The following SNTG2 variants were observed in gnomAD, a reference collection of about 807,000 sequenced individuals.
SNTG2 encodes gamma-2-syntrophin.
A neutral mutation model predicts 70.9 loss-of-function variants in SNTG2; 74 were observed. The observed-to-expected ratio is 1.04, with a 90% CI of 0.86 to 1.27. The LOEUF (loss-of-function observed/expected upper bound fraction) is 1.27, where lower values mean the gene tolerates loss of function less well. Among genes scored for constraint, SNTG2 ranks in the 50% most tolerant of loss-of-function variants. The pLI is 0.00. For synonymous variants in SNTG2, 278 were observed against 273.8 expected, an observed-to-expected ratio of 1.02 and a Z score of -0.15; for missense variants, 717 against 690.7, an observed-to-expected ratio of 1.04 and a Z score of -0.43.
In SNTG2 at chr2:1,165,663, G is replaced by A. The variant is rs774739024; in HGVS notation, c.499+28G>A. Reference sequence around the variant, plus strand: ...AAGTGGGAAGAGGAGAAATGCCAGGGTGCTGGAGAAATTCCTTTCTTGCCA... The same window carrying A: ...AAGTGGGAAGAGGAGAAATGCCAGGATGCTGGAGAAATTCCTTTCTTGCCA... On this transcript the variant is annotated intron_variant, in intron 7 of 16. Coordinates refer to ENST00000308624, the MANE Select transcript of SNTG2 (RefSeq NM_018968.4). 15 of 1,569,598 alleles carry A rather than the reference G, an allele frequency of 9.6e-6. No individual in the cohort carries two copies. In the South Asian group the frequency reaches 1.5e-4, roughly 16 times the overall value.
chr2:1,221,805 C>CTCTATCTCTGTCTCTG (rs1553361505), intron 9 of SNTG2, among the ~76,000 whole-genome samples: 1 of 27,496 alleles, frequency 3.6e-5, no homozygotes, highest in Non-Finnish European at 6.4e-5. Context: ...CTGTCTCTGT[C>CTCTATCTCTGTCTCTG]TCTCTCTCGG....
chr2:1,242,054 G>T (rs527383222), intron 11 of SNTG2, among the ~76,000 whole-genome samples: 1 of 152,160 alleles, frequency 6.6e-6, no homozygotes, highest in Non-Finnish European at 1.5e-5. Context: ...GCAGCTTGGA[G>T]TAGTTTATTT....
chr2:1,307,038 G>A (rs1343358093), intron 14 of SNTG2, among the ~76,000 whole-genome samples: 1 of 151,586 alleles, frequency 6.6e-6, no homozygotes, highest in Non-Finnish European at 1.5e-5. Context: ...TGCTGTGTGT[G>A]TGTGGTGTGT....
chr2:996,683 T>TTTTTTTTTTTTTTG (rs1188836865), intron 1 of SNTG2, among the ~76,000 whole-genome samples: 6 of 128,180 alleles, frequency 4.7e-5, no homozygotes, highest in Non-Finnish European at 6.5e-5. Context: ...GTTTTTTTTT[T>TTTTTTTTTTTTTTG]TTTTTTTTTT....
At chr2:1,068,553 A>G (rs1164056825) in intron 1 of SNTG2, among the ~76,000 whole-genome samples, 1 of 152,222 alleles carries the variant, frequency 6.6e-6, no homozygotes, top group Non-Finnish European at 1.5e-5. Context: ...GAAAATCAGA[A>G]ATACATTAAA....
At chr2:1,025,689 C>G (rs1028178393) in intron 1 of SNTG2, among the ~76,000 whole-genome samples, 5 of 152,190 alleles carry the variant, frequency 3.3e-5, no homozygotes, top group Admixed American at 6.5e-5. Context: ...CCTGGCCCTC[C>G]TGTCCCCTCT....
intron 9 of SNTG2, among the ~76,000 whole-genome samples, chr2:1,228,178 C>T (rs886548279): frequency 6.6e-6 from 1 of 152,272 alleles, no homozygotes; most frequent in Non-Finnish European, 1.5e-5. Context: ...GCTCCACTCA[C>T]GTCTGCACTT....
intron 1 of SNTG2, among the ~76,000 whole-genome samples, chr2:1,066,649 A>G (rs1255633709): frequency 1.3e-5 from 2 of 152,126 alleles, no homozygotes; most frequent in African/African-American, 4.8e-5. Context: ...TTTGTCACAC[A>G]TCACAATCTG....
intron 10 of SNTG2, among the ~76,000 whole-genome samples, chr2:1,239,170 A>G (rs1392905976): frequency 1.3e-5 from 2 of 152,214 alleles, no homozygotes; most frequent in African/African-American, 2.4e-5. Flanking sequence ...CAGTTCTGTC[A>G]TTTCACAAAT....
intron 1 of SNTG2, among the ~76,000 whole-genome samples, chr2:1,002,633 A>G (rs982007222): frequency 6.6e-6 from 1 of 151,460 alleles, no homozygotes; most frequent in African/African-American, 2.4e-5. Context: ...ATACTTATCT[A>G]TGGTTGGTTG....
intron 1 of SNTG2, among the ~76,000 whole-genome samples, chr2:1,016,956 G>A (rs1316555938): frequency 6.6e-6 from 1 of 152,188 alleles, no homozygotes; most frequent in African/African-American, 2.4e-5. Context: ...TCCAACTGAA[G>A]CTGCTGCTGT....
At chr2:1,251,401 C>T (rs997489343) in intron 12 of SNTG2, among the ~76,000 whole-genome samples, 1 of 151,946 alleles carries the variant, frequency 6.6e-6, no homozygotes, top group South Asian at 2.1e-4. Flanking sequence ...GCTTAGGAAG[C>T]TCACATAGAC....
rs371199174 is a variant in SNTG2 at position 1,243,588 on chromosome 2, ATCTC to A, written c.889-3736_889-3733del. 2.5e-3 allele frequency among the ~76,000 whole-genome samples: 384 copies of A among 152,270 alleles called. 5 individuals carry two copies. The highest frequency in any genetic ancestry group is 8.5e-3 in the African/African-American group (354 of 41,540). ...CTTGATCTACCTGTAATGTAAATCA[ATCTC>A]TCACCCATCTGTCCTCTGTATTTAG... On this transcript the variant is annotated intron_variant, in intron 11 of 16. Transcript: ENST00000308624.
rs1327697645 is a variant in SNTG2, at chr2:1,221,859, GTCTCTGTCTCTC to G, written c.719+12635_719+12646del. On this transcript the variant is annotated intron_variant, in intron 9 of 16. Coordinates refer to ENST00000308624, the MANE Select transcript of SNTG2 (RefSeq NM_018968.4). ...TCTCTCTGTCTCTGTCTCTGTCTCT[GTCTCTGTCTCTC>G]TCTCTCTCTGTCTCTGTCTGTGTCT... Among the ~76,000 whole-genome samples the G allele has an allele frequency of 3.8e-4, 2 of 5,308 alleles. 1 individual carries two copies. Among genetic ancestry groups the G allele is most frequent in the Non-Finnish European group, 5.8e-4 (2 of 3,428 alleles). 3.5% of individuals were successfully genotyped at this position (5,308 alleles called of 152,430 possible). A position where few individuals can be genotyped will look rare whatever the true frequency, so the allele number is the denominator to read the frequency against.
intron 16 of SNTG2, among the ~76,000 whole-genome samples, chr2:1,359,950 GCAAA>G (rs1335608275): frequency 6.6e-6 from 1 of 151,996 alleles, no homozygotes; most frequent in South Asian, 2.1e-4. Context: ...CCAAAAACAA[GCAAA>G]CAAAGAAACT....
At chr2:1,065,283 A>G (rs559015641) in intron 1 of SNTG2, among the ~76,000 whole-genome samples, 21 of 152,230 alleles carry the variant, frequency 1.4e-4, no homozygotes, top group African/African-American at 4.8e-4. Context: ...GGCATCTGAC[A>G]TAGTGACTGC....
chr2:1,362,126 A>G (rs1661199031), intron 16 of SNTG2, among the ~76,000 whole-genome samples: 1 of 152,278 alleles, frequency 6.6e-6, no homozygotes. Flanking sequence ...TGAGCATTTC[A>G]GTAGAACTTC....
At chr2:1,270,137 G>A (rs1186356025) in intron 14 of SNTG2, among the ~76,000 whole-genome samples, 3 of 152,080 alleles carry the variant, frequency 2.0e-5, no homozygotes, top group Non-Finnish European at 4.4e-5. Context: ...TGTGTTTCAG[G>A]AACCCACCCT....
At chr2:1,098,993 G>T (rs1193185726) in intron 4 of SNTG2, among the ~76,000 whole-genome samples, 1 of 151,784 alleles carries the variant, frequency 6.6e-6, no homozygotes, top group East Asian at 1.9e-4. Flanking sequence ...ATCGAAAAGT[G>T]AGGGTGGGAT....
Sources: gnomAD v4.1 joint callset for allele counts (sites outside exome capture counted in the v4.1 genomes callset) on GRCh38, gnomAD v4.1.1 for gene constraint, MANE v1.5 for transcripts, NCBI Gene and HGNC (gene_info 2026-07-23, HGNC 2026-07-21) for gene names.